CSMD1: variants seen among roughly 807,000 people sequenced by gnomAD.
The protein encoded by CSMD1 is CUB and sushi domain-containing protein 1.
Under a neutral mutation model 417.5 loss-of-function variants are expected in CSMD1, and 213 were observed. The observed-to-expected ratio is 0.51, with a 90% CI of 0.46 to 0.57. The LOEUF (loss-of-function observed/expected upper bound fraction) is 0.57, where lower values mean the gene tolerates loss of function less well. CSMD1 is among the 20% of genes least tolerant of loss of function. The pLI is 0.00. For synonymous variants in CSMD1, 2,862 were observed against 1,736.8 expected (o/e 1.65, Z -16.11); for missense variants, 6,923 against 4,529.7 (o/e 1.53, Z -15.17).
At chr8:3,524,369 G>A (rs920547540) in intron 10 of CSMD1, among the ~76,000 whole-genome samples, 1 of 142,256 alleles carries the variant, frequency 7.0e-6, no homozygotes, top group African/African-American at 2.7e-5. Flanking sequence ...GCGCACACAA[G>A]TGCACACATG....
chr8:4,749,786 G>A (rs1345251211), intron 1 of CSMD1, among the ~76,000 whole-genome samples: 1 of 151,930 alleles, frequency 6.6e-6, no homozygotes, highest in Non-Finnish European at 1.5e-5. Flanking sequence ...GTGTAAGTCT[G>A]GGCCTGTATG....
At chr8:3,212,739 A>G (rs1291749763) in intron 30 of CSMD1, among the ~76,000 whole-genome samples, 1 of 152,134 alleles carries the variant, frequency 6.6e-6, no homozygotes, top group East Asian at 1.9e-4. Context: ...TCATAAGAGA[A>G]TGGACTTAGA....
At position 3,190,175 on chromosome 8, in the gene CSMD1, G is replaced by A. The variant is rs1298885967; in HGVS notation, c.5195-60C>T. On this transcript the variant is annotated intron_variant, in intron 33 of 69. Coordinates refer to ENST00000635120, the MANE Select transcript of CSMD1 (RefSeq NM_033225.6). ...CTCCATCAGCAAGCCAGGACGTTGC[G>A]TGGAACGTGGGTTTAAGATGGGACC... The A allele has an allele frequency of 1.8e-5, 25 of 1,374,016 alleles. No individual in the cohort carries two copies. In the Admixed American group the frequency reaches 2.8e-4, roughly 15 times the overall value. 85.1% of individuals were successfully genotyped at this position (1,374,016 alleles called of 1,614,324 possible). A position where few individuals can be genotyped will look rare whatever the true frequency, so the allele number is the denominator to read the frequency against.
At chr8:4,557,429 G>GTT (rs146510022) in intron 2 of CSMD1, among the ~76,000 whole-genome samples, 6 of 146,026 alleles carry the variant, frequency 4.1e-5, no homozygotes, top group Non-Finnish European at 7.6e-5. Context: ...AATCTGCGAG[G>GTT]TTTTTTTTTT....
intron 3 of CSMD1, among the ~76,000 whole-genome samples, chr8:4,149,440 T>C (rs1168089018): frequency 2.6e-5 from 4 of 152,174 alleles, no homozygotes; most frequent in Admixed American, 6.5e-5. Context: ...TATTTCTACA[T>C]AAGGGCCAAT....
chr8:3,034,662 T>C (rs916998003), intron 50 of CSMD1, among the ~76,000 whole-genome samples: 2 of 152,204 alleles, frequency 1.3e-5, no homozygotes, highest in African/African-American at 2.4e-5. Context: ...AGGGATTATT[T>C]AGGAAGACTA....
At chr8:3,880,304 T>C (rs1806124245) in intron 5 of CSMD1, among the ~76,000 whole-genome samples, 1 of 152,180 alleles carries the variant, frequency 6.6e-6, no homozygotes, top group Admixed American at 6.5e-5. Flanking sequence ...TAGATTACAT[T>C]TTTCAAAAAC....
At chr8:3,960,669 G>A (rs1200441821) in intron 5 of CSMD1, among the ~76,000 whole-genome samples, 2 of 151,940 alleles carry the variant, frequency 1.3e-5, no homozygotes, top group Admixed American at 1.3e-4. Flanking sequence ...AAGAAGTTAT[G>A]ATAAAACTTT....
chr8:3,550,120 A>G (rs1798846393), intron 10 of CSMD1, among the ~76,000 whole-genome samples: 1 of 152,182 alleles, frequency 6.6e-6, no homozygotes, highest in Admixed American at 6.5e-5. Context: ...AAAGTGTCCC[A>G]TTGGGATCAC....
intron 1 of CSMD1, among the ~76,000 whole-genome samples, chr8:4,790,365 C>A (rs1300184599): frequency 6.6e-6 from 1 of 152,066 alleles, no homozygotes; most frequent in Non-Finnish European, 1.5e-5. Flanking sequence ...TGCTCATGGA[C>A]AGGAAGAATC....
Position 2,954,214 on chromosome 8 carries a change from G to T in CSMD1, c.10039+10C>A, listed in dbSNP as rs771077891. 2.7e-6 allele frequency: 4 copies of T among 1,468,278 alleles called. No individual in the cohort carries two copies. In the African/African-American group the frequency reaches 4.2e-5, roughly 16 times the overall value. 91.0% of individuals were successfully genotyped at this position (1,468,278 alleles called of 1,614,324 possible). On this transcript the variant is annotated intron_variant, in intron 65 of 69. Coordinates refer to ENST00000635120, the MANE Select transcript of CSMD1 (RefSeq NM_033225.6). Reference sequence around the variant, plus strand: ...TGGATTGAAATCTAGAACTGTTCTGGTATACAAACCTGGAGTTTTAGTAAC... The same window carrying T: ...TGGATTGAAATCTAGAACTGTTCTGTTATACAAACCTGGAGTTTTAGTAAC...
chr8:4,029,808 G>A (rs984453369), intron 4 of CSMD1, among the ~76,000 whole-genome samples: 1 of 152,074 alleles, frequency 6.6e-6, no homozygotes, highest in Non-Finnish European at 1.5e-5. Context: ...TTATGAACCT[G>A]TATAATAAAA....
At chr8:4,542,985 A>G (rs1797466248) in intron 2 of CSMD1, among the ~76,000 whole-genome samples, 1 of 152,188 alleles carries the variant, frequency 6.6e-6, no homozygotes, top group South Asian at 2.1e-4. Context: ...CCAGTGTTTT[A>G]CAAATTGATA....
chr8:4,289,005 T>C (rs904118914), intron 3 of CSMD1, among the ~76,000 whole-genome samples: 1 of 152,164 alleles, frequency 6.6e-6, no homozygotes, highest in African/African-American at 2.4e-5. Context: ...CACAGCACCA[T>C]CTTTCAAGCT....
chr8:4,345,512 G>A (rs536108711), intron 3 of CSMD1, among the ~76,000 whole-genome samples: 1 of 152,088 alleles, frequency 6.6e-6, no homozygotes, highest in South Asian at 2.1e-4. Context: ...CAGTGACAAA[G>A]TGAAGAGACA....
intron 43 of CSMD1, among the ~76,000 whole-genome samples, chr8:3,109,092 C>G (rs1220580083): frequency 6.6e-6 from 1 of 152,102 alleles, no homozygotes; most frequent in African/African-American, 2.4e-5. Context: ...TGGTGAAACC[C>G]TGTCTCTACT....
chr8:4,905,892 T>C (rs567203813), intron 1 of CSMD1, among the ~76,000 whole-genome samples: 1 of 149,680 alleles, frequency 6.7e-6, no homozygotes, highest in Middle Eastern at 3.4e-3. Flanking sequence ...TATTCTCACA[T>C]CTAATTGCCT....
chr8:4,634,592 A>G (rs1383171713), intron 2 of CSMD1, among the ~76,000 whole-genome samples: 2 of 152,166 alleles, frequency 1.3e-5, no homozygotes, highest in Non-Finnish European at 2.9e-5. Flanking sequence ...TCCTACATCA[A>G]TCCTCCCACA....
intron 7 of CSMD1, among the ~76,000 whole-genome samples, chr8:3,688,538 T>A (rs1800064587): frequency 6.6e-6 from 1 of 152,218 alleles, no homozygotes; most frequent in East Asian, 1.9e-4. Flanking sequence ...TGTGCAAAAC[T>A]TAACTACAAT....
Sources: allele counts gnomAD v4.1 joint callset (sites outside exome capture counted in the v4.1 genomes callset), GRCh38; gene constraint gnomAD v4.1.1; transcripts MANE v1.5; gene names NCBI Gene and HGNC (gene_info 2026-07-23, HGNC 2026-07-21).